The following SGPP2 variants were observed in gnomAD, a reference collection of about 807,000 sequenced individuals.
SGPP2 encodes the protein sphingosine-1-phosphate phosphatase 2.
A neutral mutation model predicts 33.9 loss-of-function variants in SGPP2; 30 were observed. That is an observed-to-expected ratio of 0.89 (90% CI 0.66 to 1.20). The LOEUF is 1.20. Among genes scored for constraint, SGPP2 ranks in the 50% most tolerant of loss-of-function variants. The pLI, the probability that SGPP2 is intolerant of heterozygous loss-of-function variation, is 0.00. For synonymous variants in SGPP2, 233 were observed against 225.0 expected (o/e 1.04, Z -0.32); for missense variants, 458 against 532.1 (o/e 0.86, Z 1.37).
rs76519174 is a variant in SGPP2, at chr2:222,482,419, C to T, written c.378+7693C>T. On this transcript the variant is annotated intron_variant, in intron 2 of 4. Transcript: ENST00000321276. Reference sequence around the variant, plus strand: ...GATTAATTGATTGATTGATTGGAGACAGGGTCTTGCTGTGGTACCCAGGCT... The same window carrying T: ...GATTAATTGATTGATTGATTGGAGATAGGGTCTTGCTGTGGTACCCAGGCT... 3.4e-3 allele frequency among the ~76,000 whole-genome samples: 519 copies of T among 152,256 alleles called. 9 individuals carry two copies. The highest frequency in any genetic ancestry group is 0.022 in the Admixed American group (336 of 15,298).
At chr2:222,512,954 T>C (rs1698553109) in intron 2 of SGPP2, among the ~76,000 whole-genome samples, 1 of 152,246 alleles carries the variant, frequency 6.6e-6, no homozygotes, top group South Asian at 2.1e-4. Flanking sequence ...ACAGGTTTTT[T>C]GTGGAGGTAA....
rs1201221954 is a variant in SGPP2 at position 222,559,391 on chromosome 2, G to T, written c.*493G>T. The T allele has an allele frequency of 6.1e-6, 1 of 162,704 alleles. No homozygotes were observed. The highest frequency in any genetic ancestry group is 1.4e-5 in the Non-Finnish European group (1 of 73,362). The allele number at this position is 162,704 out of a possible 1,614,324, so 10.1% of individuals were successfully genotyped here. On this transcript the variant is annotated 3_prime_UTR_variant, in exon 5 of 5. Transcript: ENST00000321276. ...TTCTAAAATGGGAACTTTGGTCTAG[G>T]AGAAGGGGTGGCACCATATGAAACG...
intron 2 of SGPP2, among the ~76,000 whole-genome samples, chr2:222,502,270 A>G (rs13396174): frequency 0.045 from 6,804 of 152,250 alleles, 524 homozygotes; most frequent in African/African-American, 0.15. Flanking sequence ...TGTTACATCT[A>G]TGGAGAGAAA....
Position 222,558,631 on chromosome 2 carries a change from GA to G in SGPP2, c.935del (p.Asn312ThrfsTer10). 6.2e-7 allele frequency: 1 copy of G among 1,614,118 alleles called. No homozygotes were observed. The highest frequency in any genetic ancestry group is 8.5e-7 in the Non-Finnish European group (1 of 1,180,034). The part of the protein sequence containing the change: ...KPAESLPVIQ[N>X]IPPLTTYMLV... ...CCGCTGAATCTCTCCCTGTTATTCA[GA>G]ACATCCCACCACTCACCACCTACAT... On this transcript the variant is annotated frameshift_variant, in exon 5 of 5. Transcript: ENST00000321276. LOFTEE classifies it high-confidence loss of function.
rs1264514046 is a variant in SGPP2 at position 222,560,388 on chromosome 2, G to A, written c.*1490G>A. 6.6e-6 allele frequency: 1 copy of A among 152,156 alleles called. No homozygotes were observed. Among genetic ancestry groups the A allele is most frequent in the Non-Finnish European group, 1.5e-5 (1 of 68,030 alleles). 9.4% of individuals were successfully genotyped at this position (152,156 alleles called of 1,614,324 possible). On this transcript the variant is annotated 3_prime_UTR_variant, in exon 5 of 5. Coordinates refer to ENST00000321276, the MANE Select transcript of SGPP2 (RefSeq NM_152386.4). ...TCTTATCTCTTGGCAATTTTAAGGG[G>A]AATTAATGCAAGAACAACTTTAGTG...
At chr2:222,512,057 C>T (rs1698537619) in intron 2 of SGPP2, among the ~76,000 whole-genome samples, 2 of 151,758 alleles carry the variant, frequency 1.3e-5, no homozygotes, top group African/African-American at 4.8e-5. Context: ...CTCTGTCGCC[C>T]AGGCTGGAGT....
intron 1 of SGPP2, among the ~76,000 whole-genome samples, chr2:222,450,290 A>G (rs1268637850): frequency 6.6e-6 from 1 of 152,222 alleles, no homozygotes; most frequent in Non-Finnish European, 1.5e-5. Flanking sequence ...CAAGCAGCTT[A>G]AAGAGTCTGC....
At chr2:222,493,263 G>A (rs1354833165) in intron 2 of SGPP2, among the ~76,000 whole-genome samples, 12 of 152,184 alleles carry the variant, frequency 7.9e-5, no homozygotes, top group African/African-American at 4.8e-5. Flanking sequence ...AAGGCCCCAG[G>A]AAACTCACAA....
intron 4 of SGPP2, among the ~76,000 whole-genome samples, chr2:222,552,920 A>G (rs1689321749): frequency 6.6e-6 from 1 of 152,148 alleles, no homozygotes; most frequent in Admixed American, 6.5e-5. Context: ...CCAATAACCT[A>G]TGGAAATAAA....
At chr2:222,512,074 G>A (rs1181352785) in intron 2 of SGPP2, among the ~76,000 whole-genome samples, 1 of 151,786 alleles carries the variant, frequency 6.6e-6, no homozygotes, top group Non-Finnish European at 1.5e-5. Flanking sequence ...GAGTGCAGTG[G>A]TGTGATCTTG....
At chr2:222,494,215 C>T (rs932079627) in intron 2 of SGPP2, among the ~76,000 whole-genome samples, 22 of 152,058 alleles carry the variant, frequency 1.4e-4, no homozygotes, top group African/African-American at 4.6e-4. Flanking sequence ...ATTCTAGAAT[C>T]GCAAATGAAG....
At chr2:222,557,547 TAGAG>T (rs1689433377) in intron 4 of SGPP2, among the ~76,000 whole-genome samples, 1 of 152,212 alleles carries the variant, frequency 6.6e-6, no homozygotes, top group Admixed American at 6.5e-5. Flanking sequence ...CATGCAAACT[TAGAG>T]AAAGTGCTTA....
At chr2:222,458,983 T>G (rs1697614997) in intron 1 of SGPP2, among the ~76,000 whole-genome samples, 1 of 152,164 alleles carries the variant, frequency 6.6e-6, no homozygotes, top group Non-Finnish European at 1.5e-5. Context: ...AGGTTAGTGC[T>G]TCTCAAACTT....
rs138200112 is a variant in SGPP2 at position 222,527,484 on chromosome 2, A to AT, written c.648+2458dup. ...TGGGGTTTCAAATATCTTCAGAGAG[A>AT]TTTTTTTAGAAGCTTCCCATGGGGT... On this transcript the variant is annotated intron_variant, in intron 4 of 4. Coordinates refer to ENST00000321276, the MANE Select transcript of SGPP2 (RefSeq NM_152386.4). Among the ~76,000 whole-genome samples, 1,457 of 152,256 alleles carry AT rather than the reference A, an allele frequency of 9.6e-3. 16 individuals are homozygous for AT. Among genetic ancestry groups the AT allele is most frequent in the African/African-American group, 0.033 (1,390 of 41,530 alleles).
At position 222,532,338 on chromosome 2, in the gene SGPP2, A is replaced by G. The variant is rs112376965; in HGVS notation, c.648+7305A>G. On this transcript the variant is annotated intron_variant, in intron 4 of 4. Coordinates refer to ENST00000321276, the MANE Select transcript of SGPP2 (RefSeq NM_152386.4). ...AAAAGAAAAAAATGGCTCTCTCTGC[A>G]TAAGCAGGAGAGCAATTCAAGGAGA... Among the ~76,000 whole-genome samples, 134 of 152,318 alleles carry G rather than the reference A, an allele frequency of 8.8e-4. 1 individual carries two copies. The highest frequency in any genetic ancestry group is 2.8e-3 in the African/African-American group (116 of 41,578).
At chr2:222,524,015 G>A (rs1001348738) in intron 3 of SGPP2, among the ~76,000 whole-genome samples, 1 of 152,222 alleles carries the variant, frequency 6.6e-6, no homozygotes, top group Admixed American at 6.5e-5. Flanking sequence ...CTTACCAGCT[G>A]TGTGACCTCA....
At position 222,424,645 on chromosome 2, in the gene SGPP2, G is replaced by A; in HGVS notation, c.43G>A (p.Ala15Thr). The A allele has an allele frequency of 2.8e-6, 4 of 1,426,944 alleles. No individual in the cohort carries two copies. Among genetic ancestry groups the A allele is most frequent in the South Asian group, 1.4e-5 (1 of 71,860 alleles). The allele number at this position is 1,426,944 out of a possible 1,614,324, so 88.4% of individuals were successfully genotyped here. Residue 15 changes from alanine to threonine, a missense_variant, in exon 1 of 5, where the codon GCC becomes ACC. Transcript: ENST00000321276. Reference protein sequence around the residue: ...LRSLQDSQLVARFQRRCGLFP... With the variant: ...LRSLQDSQLVTRFQRRCGLFP... ...GAGCCTGCAGGATTCCCAGCTCGTC[G>A]CCCGCTTCCAGCGCCGCTGCGGGCT...
At chr2:222,498,029 A>C (rs1698308126) in intron 2 of SGPP2, among the ~76,000 whole-genome samples, 1 of 152,116 alleles carries the variant, frequency 6.6e-6, no homozygotes, top group Non-Finnish European at 1.5e-5. Flanking sequence ...GGTAGAAATG[A>C]CTTTCTTCTA....
rs141497481 is a variant in SGPP2 at position 222,527,691 on chromosome 2, A to G, written c.648+2658A>G. 3.9e-5 allele frequency among the ~76,000 whole-genome samples: 6 copies of G among 152,310 alleles called. No individual in the cohort carries two copies. The East Asian group carries it at 7.7e-4, about 20-fold the overall frequency. On this transcript the variant is annotated intron_variant, in intron 4 of 4. Transcript: ENST00000321276. ...TCTGTCAGGACCCAGGGCTTCTTTC[A>G]TGCTCATAATTTTATTTCATAAAGA...
Sources: allele counts gnomAD v4.1 joint callset (sites outside exome capture counted in the v4.1 genomes callset), GRCh38; gene constraint gnomAD v4.1.1; transcripts MANE v1.5; gene names NCBI Gene and HGNC (gene_info 2026-07-23, HGNC 2026-07-21).